UTP14C: variants seen among roughly 807,000 people sequenced by gnomAD.
UTP14C encodes U3 small nucleolar RNA-associated protein 14 homolog C.
In UTP14C, 10 loss-of-function variants were observed where a neutral mutation model predicts 14.6. That is an observed-to-expected ratio of 0.68 (90% CI 0.42 to 1.16). The LOEUF (loss-of-function observed/expected upper bound fraction) is 1.16. UTP14C is among the 50% of genes most tolerant of loss of function. The pLI, the probability that UTP14C is intolerant of heterozygous loss-of-function variation, is 0.00. For missense variants in UTP14C, 818 were observed against 890.8 expected (o/e 0.92, Z 1.04); for synonymous variants, 315 against 331.6 (o/e 0.95, Z 0.54).
chr13:52,026,823 G>A (rs1210287144), intron 1 of UTP14C, among the ~76,000 whole-genome samples: 1 of 152,104 alleles, frequency 6.6e-6, no homozygotes, highest in Admixed American at 6.5e-5. Context: ...AGAGGAGTCT[G>A]GTCTGGAAAT....
At chr13:52,027,074 G>GC (rs1954248307) in intron 1 of UTP14C, among the ~76,000 whole-genome samples, 3 of 152,172 alleles carry the variant, frequency 2.0e-5, no homozygotes, top group African/African-American at 7.2e-5. Context: ...TTCCGATGCT[G>GC]CCCAGATGCT....
At position 52,029,781 on chromosome 13, in the gene UTP14C, T is replaced by C. The variant is rs1485648400; in HGVS notation, c.977T>C (p.Leu326Ser). ...GCTCGCCAAGCTATGCAGGAACAGTTGGCCAAGAACAAAGAACTGACACAG... is the reference window on the plus strand; with the variant it reads ...GCTCGCCAAGCTATGCAGGAACAGTCGGCCAAGAACAAAGAACTGACACAG... ...LEARQAMQEQ[L>S]AKNKELTQKL... The change falls in exon 2 of 2, where the codon TTG (leucine) becomes TCG (serine). Residue 326 changes from leucine (L) to serine (S), a missense_variant. Physicochemically the swap from Leu to Ser is moderately radical, Grantham distance 145. Coordinates refer to ENST00000521776, the MANE Select transcript of UTP14C (RefSeq NM_021645.6). 1 of 1,614,158 alleles carries C rather than the reference T, an allele frequency of 6.2e-7. No homozygotes were observed. Among genetic ancestry groups the C allele is most frequent in the South Asian group, 1.1e-5 (1 of 91,080 alleles).
Position 52,030,152 on chromosome 13 carries a change from A to G in UTP14C, c.1348A>G (p.Ser450Gly), listed in dbSNP as rs199839315. The part of the protein sequence containing the change: ...PASSQETKDS[S>G]SQEVLSELRA... The stretch of plus-strand genomic sequence containing the variant: ...AAGCAGTCAAGAAACAAAAGATTCT[A>G]GCAGCCAGGAGGTGCTGTCCGAATT... The change falls in exon 2 of 2, where the codon AGC becomes GGC. Residue 450 changes from serine to glycine, a missense_variant. Physicochemically the swap from Ser to Gly is moderately conservative, Grantham distance 56 (BLOSUM62 0). Coordinates refer to ENST00000521776, the MANE Select transcript of UTP14C (RefSeq NM_021645.6). The G allele has an allele frequency of 5.7e-5, 92 of 1,614,110 alleles. No individual in the cohort carries two copies. Among genetic ancestry groups the G allele is most frequent in the Non-Finnish European group, 7.7e-5 (91 of 1,180,046 alleles).
rs3742290 is a variant in UTP14C at position 52,029,105 on chromosome 13, A to G, written c.301A>G (p.Thr101Ala). ...CGTTAAAACTTCATCTTCTTTGGCCACTGTAAAAAAGCAACTGAATAGAGT... is the reference window on the plus strand; with the variant it reads ...CGTTAAAACTTCATCTTCTTTGGCCGCTGTAAAAAAGCAACTGAATAGAGT... ...EPVKTSSSLA[T>A]VKKQLNRVKS... The change falls in exon 2 of 2, where the codon ACT (threonine) becomes GCT (alanine). Residue 101 changes from threonine (T) to alanine (A), a missense_variant. By Grantham distance (58) the Thr-to-Ala change is moderately conservative. Coordinates refer to ENST00000521776, the MANE Select transcript of UTP14C (RefSeq NM_021645.6). The G allele has an allele frequency of 0.12, 186,462 of 1,614,132 alleles. 11,325 individuals are homozygous for G. Among genetic ancestry groups the G allele is most frequent in the Middle Eastern group, 0.16 (948 of 6,062 alleles).
At position 52,032,540 on chromosome 13, in the gene UTP14C, A is replaced by C. The variant is rs1352394007; in HGVS notation, c.*1435A>C. The stretch of plus-strand genomic sequence containing the variant: ...TGATTCATCTTTGTGTTAAGGGGCA[A>C]ATGAAACGGTATATTATTTCTTTGC... On this transcript the variant is annotated 3_prime_UTR_variant, in exon 2 of 2. Transcript: ENST00000521776. The C allele has an allele frequency of 6.0e-6, 1 of 167,070 alleles. No homozygotes were observed. The highest frequency in any genetic ancestry group is 1.5e-5 in the Non-Finnish European group (1 of 68,118). The allele number at this position is 167,070 out of a possible 1,614,324, so 10.3% of individuals were successfully genotyped here. A position where few individuals can be genotyped will look rare whatever the true frequency, so the allele number is the denominator to read the frequency against.
rs1316900191 is a variant in UTP14C at position 52,028,491 on chromosome 13, A to T, written c.-314A>T. ...TTCTTTCCATGTCTGCAGAAAAGAG[A>T]CTCCAAATCAGAAAAAGTGCTCGTG... On this transcript the variant is annotated 5_prime_UTR_variant, in exon 2 of 2. Transcript: ENST00000521776. 1 of 1,614,030 alleles carries T rather than the reference A, an allele frequency of 6.2e-7. No individual in the cohort carries two copies. Among genetic ancestry groups the T allele is most frequent in the Non-Finnish European group, 8.5e-7 (1 of 1,180,042 alleles).
Position 52,031,085 on chromosome 13 carries a change from A to G in UTP14C, c.2281A>G (p.Asn761Asp), listed in dbSNP as rs1302400768. 2 of 1,611,420 alleles carry G rather than the reference A, an allele frequency of 1.2e-6. No homozygotes were observed. The highest frequency in any genetic ancestry group is 2.2e-5 in the East Asian group (1 of 44,866). ...RNPKRITTRHNKEEKL is the reference protein window; with the variant it reads ...RNPKRITTRHDKEEKL ...TCCAAAACGAATCACCACACGTCAC[A>G]ATAAAGAAGAAAAACTGTAGGTTGT... Residue 761 changes from asparagine (N) to aspartate (D), a missense_variant, in exon 2 of 2, where the codon AAT (asparagine) becomes GAT (aspartate). Physicochemically the swap from Asn to Asp is conservative, Grantham distance 23 (BLOSUM62 1). Coordinates refer to ENST00000521776, the MANE Select transcript of UTP14C (RefSeq NM_021645.6).
chr13:52,033,464 C>G lies in UTP14C; in HGVS notation c.*2359C>G, dbSNP rs1803431. On this transcript the variant is annotated 3_prime_UTR_variant, in exon 2 of 2. Transcript: ENST00000521776. ...TTATTTAAAGAAGTGATTTTTCATT[C>G]TCTTGGATTCTTTCCAGTGTGGTGC... The G allele has an allele frequency of 6.0e-6, 1 of 166,964 alleles. No homozygotes were observed. Among genetic ancestry groups the G allele is most frequent in the Admixed American group, 6.5e-5 (1 of 15,270 alleles). The allele number at this position is 166,964 out of a possible 1,614,324, so 10.3% of individuals were successfully genotyped here. A position where few individuals can be genotyped will look rare whatever the true frequency, so the allele number is the denominator to read the frequency against.
At position 52,028,169 on chromosome 13, in the gene UTP14C, T is replaced by C. The variant is rs973946630; in HGVS notation, c.-486-150T>C. On this transcript the variant is annotated intron_variant, in intron 1 of 1. Coordinates refer to ENST00000521776, the MANE Select transcript of UTP14C (RefSeq NM_021645.6). ...AACTTAAAATTATTTTATCTTGTACTGTAGAAGTTGAATAAGCAAATGTCT... is the reference window on the plus strand; with the variant it reads ...AACTTAAAATTATTTTATCTTGTACCGTAGAAGTTGAATAAGCAAATGTCT... 12 of 846,612 alleles carry C rather than the reference T, an allele frequency of 1.4e-5. No homozygotes were observed. In the Admixed American group the frequency reaches 2.9e-4, roughly 20 times the overall value. 52.4% of individuals were successfully genotyped at this position (846,612 alleles called of 1,614,324 possible). A position where few individuals can be genotyped will look rare whatever the true frequency, so the allele number is the denominator to read the frequency against.
In UTP14C at chr13:52,030,956, C is replaced by A. The variant is rs745348927; in HGVS notation, c.2152C>A (p.Pro718Thr). 3 of 1,614,202 alleles carry A rather than the reference C, an allele frequency of 1.9e-6. No individual in the cohort carries two copies. The highest frequency in any genetic ancestry group is 2.2e-5 in the East Asian group (1 of 44,890). The change falls in exon 2 of 2, where the codon CCC becomes ACC. Residue 718 changes from proline to threonine, a missense_variant. Physicochemically the swap from Pro to Thr is conservative, Grantham distance 38. Coordinates refer to ENST00000521776, the MANE Select transcript of UTP14C (RefSeq NM_021645.6). ...GAGGGCTTTCCAAAAGCTGACTACT[C>A]CCAAGGTCGTCACCAAGCCAGGCCA... is the stretch of plus-strand genomic sequence containing the variant. ...TQRAFQKLTT[P>T]KVVTKPGHII...
chr13:52,024,880 T>C lies in UTP14C; in HGVS notation c.-544T>C. 2 of 1,613,674 alleles carry C rather than the reference T, an allele frequency of 1.2e-6. No individual in the cohort carries two copies. Among genetic ancestry groups the C allele is most frequent in the Non-Finnish European group, 8.5e-7 (1 of 1,180,024 alleles). Reference sequence around the variant, plus strand: ...CATTCCATTTGATGAATTAAAGAATTATTTGTCTGAAGCAACAATTGGTCT... The same window carrying C: ...CATTCCATTTGATGAATTAAAGAATCATTTGTCTGAAGCAACAATTGGTCT... On this transcript the variant is annotated 5_prime_UTR_variant, in exon 1 of 2. Transcript: ENST00000521776.
At chr13:52,024,993 C>A (rs1388964409) in intron 1 of UTP14C, 56 bp downstream of exon 1, 22 of 1,531,158 alleles carry the variant, frequency 1.4e-5, no homozygotes, top group Non-Finnish European at 1.9e-5. Context: ...ATTTTAAGTT[C>A]TTTTGATAAA....
chr13:52,031,087 TAAA>T lies in UTP14C; in HGVS notation c.2284_2286del (p.Lys762del), dbSNP rs770915585. ...CAAAACGAATCACCACACGTCACAA[TAAA>T]GAAGAAAAACTGTAGGTTGTGTAGC... On this transcript the variant is annotated inframe_deletion, in exon 2 of 2. Transcript: ENST00000521776. 21 of 1,611,028 alleles carry T rather than the reference TAAA, an allele frequency of 1.3e-5. No individual in the cohort carries two copies. Among genetic ancestry groups the T allele is most frequent in the Admixed American group, 8.4e-5 (5 of 59,382 alleles).
Position 52,025,567 on chromosome 13 carries a change from A to G in UTP14C, c.-487+630A>G, listed in dbSNP as rs73500109. Among the ~76,000 whole-genome samples, 720 of 152,272 alleles carry G rather than the reference A, an allele frequency of 4.7e-3. 6 individuals carry two copies. Among genetic ancestry groups the G allele is most frequent in the African/African-American group, 0.016 (649 of 41,572 alleles). ...GTCTTTTATTGATTCTACCCTCACC[A>G]TTGGAATGGCTCTCCTCTTTGTGCC... On this transcript the variant is annotated intron_variant, in intron 1 of 1. Coordinates refer to ENST00000521776, the MANE Select transcript of UTP14C (RefSeq NM_021645.6).
intron 1 of UTP14C, among the ~76,000 whole-genome samples, chr13:52,026,789 T>G (rs1156350703): frequency 6.6e-6 from 1 of 152,090 alleles, no homozygotes; most frequent in Non-Finnish European, 1.5e-5. Context: ...AGGAGGTAGT[T>G]TTGTATATAG....
rs773701709 is a variant in UTP14C at position 52,030,859 on chromosome 13, A to G, written c.2055A>G (p.Pro685=). ...CAGCTCATCAGGTACAAGTGCTTCCATATCCATTTACCCACCATCGGCAAT... is the reference window on the plus strand; with the variant it reads ...CAGCTCATCAGGTACAAGTGCTTCCGTATCCATTTACCCACCATCGGCAAT... The part of the protein sequence containing the change: ...HAAAHQVQVL[P]YPFTHHRQFE... Residue 685 remains proline (P), a synonymous_variant, in exon 2 of 2, where the codon CCA becomes CCG. Transcript: ENST00000521776. 1.9e-6 allele frequency: 3 copies of G among 1,614,202 alleles called. No homozygotes were observed. In the South Asian group the frequency reaches 3.3e-5, roughly 18 times the overall value.
In UTP14C at chr13:52,028,352, T is replaced by A. The variant is rs398123525; in HGVS notation, c.-453T>A. ...GAGTGTATGGCAGCTGGCACAATTA[T>A]CCTTGCACACAATTCGGGGGGCCCA... On this transcript the variant is annotated 5_prime_UTR_variant, in exon 2 of 2. Transcript: ENST00000521776. The A allele has an allele frequency of 6.2e-7, 1 of 1,614,218 alleles. No homozygotes were observed. The highest frequency in any genetic ancestry group is 1.1e-5 in the South Asian group (1 of 91,090).
Position 52,031,088 on chromosome 13 carries a change from A to G in UTP14C, c.2284A>G (p.Lys762Glu). The change falls in exon 2 of 2, where the codon AAA becomes GAA. Residue 762 changes from lysine (K) to glutamate (E), a missense_variant. Transcript: ENST00000521776. ...NPKRITTRHN[K>E]EEKL ...AAAACGAATCACCACACGTCACAAT[A>G]AAGAAGAAAAACTGTAGGTTGTGTA... 6.2e-7 allele frequency: 1 copy of G among 1,611,228 alleles called. No individual in the cohort carries two copies. The highest frequency in any genetic ancestry group is 1.1e-5 in the South Asian group (1 of 90,876).
rs1445493275 is a variant in UTP14C at position 52,029,015 on chromosome 13, T to C, written c.211T>C (p.Ser71Pro). Residue 71 changes from serine to proline, a missense_variant, in exon 2 of 2, where the codon TCA becomes CCA. Ser to Pro is a moderately conservative substitution (Grantham distance 74). Transcript: ENST00000521776. ...GAGGTCTGAGGCTAGTCTGAAAGTGTCAGAGTTCAGTGTCAGTTCTGAAGG... is the reference window on the plus strand; with the variant it reads ...GAGGTCTGAGGCTAGTCTGAAAGTGCCAGAGTTCAGTGTCAGTTCTGAAGG... Reference protein sequence around the residue: ...AERSEASLKVSEFSVSSEGSG... With the variant: ...AERSEASLKVPEFSVSSEGSG... The C allele has an allele frequency of 6.2e-7, 1 of 1,614,266 alleles. No homozygotes were observed. Among genetic ancestry groups the C allele is most frequent in the Non-Finnish European group, 8.5e-7 (1 of 1,180,050 alleles).
Sources: allele counts gnomAD v4.1 joint callset (sites outside exome capture counted in the v4.1 genomes callset), GRCh38; gene constraint gnomAD v4.1.1; transcripts MANE v1.5; gene names NCBI Gene and HGNC (gene_info 2026-07-23, HGNC 2026-07-21).